Variants in RARG observed in about 807,000 individuals in gnomAD.
RARG encodes retinoic acid receptor gamma, also known as RAR-gamma.
In RARG, 17 loss-of-function variants were observed where a neutral mutation model predicts 43.7. The ratio of observed to expected loss-of-function variants is 0.39; its 90% confidence interval spans 0.27 to 0.58. The LOEUF is 0.58. RARG is among the 20% of genes least tolerant of loss of function. The probability of loss-of-function intolerance (pLI) is 0.57; values close to 1 mark genes in which losing one functional copy is unlikely to be tolerated. For synonymous variants in RARG, 238 were observed against 236.4 expected (o/e 1.01, Z -0.06); for missense variants, 346 against 598.7 (o/e 0.58, Z 4.40).
Position 53,211,949 on chromosome 12 carries a change from CCT to C in RARG, c.1178-88_1178-87del, listed in dbSNP as rs977047846. On this transcript the variant is annotated intron_variant, in intron 9 of 9. Transcript: ENST00000425354. The surrounding 1 kb of genome is among the most constrained non-coding windows in gnomAD (Gnocchi z 4.6). ...ATCTCCCTAACCTTTCTCAACTGCCCCTGACTCCCCTAGGGGGCGCCCAGCAC... is the reference window on the plus strand; with the variant it reads ...ATCTCCCTAACCTTTCTCAACTGCCCGACTCCCCTAGGGGGCGCCCAGCAC... 7.1e-6 allele frequency: 8 copies of C among 1,129,398 alleles called. No homozygotes were observed. Among genetic ancestry groups the C allele is most frequent in the African/African-American group, 1.6e-5 (1 of 61,990 alleles). The allele number at this position is 1,129,398 out of a possible 1,614,324, so 70.0% of individuals were successfully genotyped here.
chr12:53,224,992 T>C (rs944264716), intron 3 of RARG, among the ~76,000 whole-genome samples: 8 of 152,014 alleles, frequency 5.3e-5, no homozygotes, highest in Non-Finnish European at 8.8e-5. Context: ...CCCACTACCA[T>C]TCTCTCTCCT....
intron 3 of RARG, chr12:53,220,394 G>T: frequency 1.2e-5 from 2 of 162,624 alleles, no homozygotes; most frequent in Non-Finnish European, 1.2e-5. Context: ...GAAGCCTGGA[G>T]GGGTGGGGGG....
Position 53,211,397 on chromosome 12 carries a change from G to C in RARG, c.*279C>G. ...GCCCTGGGAAGTCTAGGACCCATGGGGCAGTGCTGAGATTTTAGAGTCCAA... is the reference window on the plus strand; with the variant it reads ...GCCCTGGGAAGTCTAGGACCCATGGCGCAGTGCTGAGATTTTAGAGTCCAA... On this transcript the variant is annotated 3_prime_UTR_variant, in exon 10 of 10. Transcript: ENST00000425354. The surrounding 1 kb of genome is among the most constrained non-coding windows in gnomAD (Gnocchi z 4.6). 1 of 311,628 alleles carries C rather than the reference G, an allele frequency of 3.2e-6. No homozygotes were observed. The highest frequency in any genetic ancestry group is 5.9e-6 in the Non-Finnish European group (1 of 169,994). 19.3% of individuals were successfully genotyped at this position (311,628 alleles called of 1,614,324 possible).
chr12:53,213,048 T>C lies in RARG; in HGVS notation c.1177+37A>G. ...GTCCGACCTGGGAGACCAACAGCCC[T>C]GGGAAGACAGAGAGGGGACACCCAC... On this transcript the variant is annotated intron_variant, in intron 9 of 9. Coordinates refer to ENST00000425354, the MANE Select transcript of RARG (RefSeq NM_000966.6). This position sits in a 1 kb window ranked among gnomAD's most constrained non-coding sequence, Gnocchi z 4.7. The C allele has an allele frequency of 6.3e-7, 1 of 1,582,860 alleles. No homozygotes were observed. The highest frequency in any genetic ancestry group is 8.6e-7 in the Non-Finnish European group (1 of 1,161,606).
chr12:53,225,337 C>G (rs1351447751), intron 3 of RARG, among the ~76,000 whole-genome samples: 1 of 152,232 alleles, frequency 6.6e-6, no homozygotes, highest in Non-Finnish European at 1.5e-5. Flanking sequence ...TCACTCCTCA[C>G]ACTGACTCTT....
At chr12:53,222,798 C>T (rs1246315978) in intron 3 of RARG, among the ~76,000 whole-genome samples, 1 of 151,260 alleles carries the variant, frequency 6.6e-6, no homozygotes, top group Non-Finnish European at 1.5e-5. Context: ...GGATCTAGTG[C>T]CCCCTCTTTT....
chr12:53,229,668 G>A (rs1390012126), intron 2 of RARG, among the ~76,000 whole-genome samples: 1 of 152,176 alleles, frequency 6.6e-6, no homozygotes, highest in Non-Finnish European at 1.5e-5. Flanking sequence ...GGGCCCCTGA[G>A]GCCCCTGGGC....
In RARG at chr12:53,213,714, G is replaced by T. The variant is rs1478602989; in HGVS notation, c.814-14C>A. 4 of 1,597,252 alleles carry T rather than the reference G, an allele frequency of 2.5e-6. No homozygotes were observed. Among genetic ancestry groups the T allele is most frequent in the Middle Eastern group, 3.3e-4 (2 of 6,056 alleles). On this transcript the variant is annotated splice_polypyrimidine_tract_variant and intron_variant, in intron 7 of 9. Coordinates refer to ENST00000425354, the MANE Select transcript of RARG (RefSeq NM_000966.6). This position sits in a 1 kb window ranked among gnomAD's most constrained non-coding sequence, Gnocchi z 4.7. Reference sequence around the variant, plus strand: ...GATACGCAGCATCTGGAGGTGGGGGGTGGAGGAGGGTTAGTGCTGTTTCTG... The same window carrying T: ...GATACGCAGCATCTGGAGGTGGGGGTTGGAGGAGGGTTAGTGCTGTTTCTG...
At chr12:53,229,728 G>T in intron 2 of RARG, 1 of 157,756 alleles carries the variant, frequency 6.3e-6, no homozygotes, top group Non-Finnish European at 1.4e-5. Context: ...CCCCTCCAAT[G>T]ACAAGGGTGA....
At chr12:53,219,131 TG>T (rs1442804335) in intron 3 of RARG, among the ~76,000 whole-genome samples, 10 of 152,198 alleles carry the variant, frequency 6.6e-5, no homozygotes, top group African/African-American at 2.4e-4. Context: ...GTGCTCGCCC[TG>T]CCGCTGTCAA....
chr12:53,214,728 T>C (rs1365303647), intron 5 of RARG, 122 bp from the exon 6 acceptor site: 6 of 1,097,832 alleles, frequency 5.5e-6, no homozygotes, highest in Non-Finnish European at 7.6e-6. Context: ...GGCACTGTAA[T>C]TACTGCCTCA....
At chr12:53,217,130 G>T (rs1199915493) in intron 3 of RARG, among the ~76,000 whole-genome samples, 1 of 152,070 alleles carries the variant, frequency 6.6e-6, no homozygotes, top group Non-Finnish European at 1.5e-5. Flanking sequence ...CCACAGGAGG[G>T]AAGCCCTACC....
chr12:53,212,965 T>C (rs1178557910), intron 9 of RARG, 120 bp downstream of exon 9: 2 of 1,235,680 alleles, frequency 1.6e-6, no homozygotes, highest in Admixed American at 5.7e-5. Context: ...AGAGCTAGGA[T>C]TCCAGTGTAG....
At position 53,227,809 on chromosome 12, in the gene RARG, C is replaced by CCAGG; in HGVS notation, c.-142-123_-142-122insCCTG. 2.8e-6 allele frequency: 2 copies of CCAGG among 715,246 alleles called. No individual in the cohort carries two copies. Among genetic ancestry groups the CCAGG allele is most frequent in the Non-Finnish European group, 3.8e-6 (2 of 523,902 alleles). The allele number at this position is 715,246 out of a possible 1,614,324, so 44.3% of individuals were successfully genotyped here. On this transcript the variant is annotated intron_variant, in intron 2 of 9. Transcript: ENST00000425354. The surrounding 1 kb of genome is among the most constrained non-coding windows in gnomAD (Gnocchi z 4.3). ...GCTGCTACAGTTTATCCTGCCCTGG[C>CCAGG]TCAGGGCCCTTGCAGTGTGGTAGAG...
chr12:53,220,302 G>T, intron 3 of RARG: 1 of 1,421,826 alleles, frequency 7.0e-7, no homozygotes, highest in Non-Finnish European at 9.2e-7. Flanking sequence ...GGGGCGCGAA[G>T]CTGGGGCTGC....
Position 53,227,384 on chromosome 12 carries a change from G to T in RARG, c.162C>A (p.Leu54=), listed in dbSNP as rs750110372. Residue 54 remains leucine, a synonymous_variant, in exon 3 of 10, where the codon CTC becomes CTA. Coordinates refer to ENST00000425354, the MANE Select transcript of RARG (RefSeq NM_000966.6). This position sits in a 1 kb window ranked among gnomAD's most constrained non-coding sequence, Gnocchi z 4.3. ...CACACAGAGAGGCCATCTCCTTGGGGAGGTCAGGCTGGCCCAGGCCCCGGA... is the reference window on the plus strand; with the variant it reads ...CACACAGAGAGGCCATCTCCTTGGGTAGGTCAGGCTGGCCCAGGCCCCGGA... The part of the protein sequence containing the change: ...PSFRGLGQPD[L]PKEMASLSVE... The T allele has an allele frequency of 4.4e-6, 7 of 1,587,818 alleles. No homozygotes were observed. The African/African-American group carries it at 9.5e-5, about 22-fold the overall frequency.
Position 53,213,851 on chromosome 12 carries a change from G to T in RARG, c.814-151C>A. The stretch of plus-strand genomic sequence containing the variant: ...AGGTGGAGGATCTGAGGCTTGGCAG[G>T]GGTAGTCCCGGGAAGTCAGGAGGAG... On this transcript the variant is annotated intron_variant, in intron 7 of 9. Transcript: ENST00000425354. The surrounding 1 kb of genome is among the most constrained non-coding windows in gnomAD (Gnocchi z 4.7). The T allele has an allele frequency of 9.2e-7, 1 of 1,085,844 alleles. No individual in the cohort carries two copies. The highest frequency in any genetic ancestry group is 1.3e-6 in the Non-Finnish European group (1 of 746,918). 67.3% of individuals were successfully genotyped at this position (1,085,844 alleles called of 1,614,324 possible).
intron 3 of RARG, chr12:53,220,221 C>T: frequency 8.5e-7 from 1 of 1,169,876 alleles, no homozygotes; most frequent in Non-Finnish European, 1.1e-6. Context: ...TAGCATAGGG[C>T]GCTGGGCTGC....
intron 9 of RARG, among the ~76,000 whole-genome samples, chr12:53,212,659 G>A (rs546786603): frequency 4.0e-5 from 6 of 151,838 alleles, no homozygotes; most frequent in East Asian, 1.9e-4. Context: ...TACAAGGTAC[G>A]TGAAGAATAG....
Sources: allele counts gnomAD v4.1 joint callset (sites outside exome capture counted in the v4.1 genomes callset), GRCh38; gene constraint gnomAD v4.1.1; non-coding constraint Gnocchi (gnomAD v3.1); transcripts MANE v1.5; gene names NCBI Gene and HGNC (gene_info 2026-07-23, HGNC 2026-07-21).